The following COG2 variants were observed in gnomAD, a reference collection of about 807,000 sequenced individuals.
The protein encoded by COG2 is component of oligomeric golgi complex 2.
Under a neutral mutation model 90.6 loss-of-function variants are expected in COG2, and 52 were observed. The observed-to-expected ratio is 0.57, with a 90% CI of 0.46 to 0.72. The LOEUF is 0.72. Ranked by LOEUF, COG2 falls within the 30% of genes least tolerant of loss-of-function variation. The pLI is 0.00. For synonymous variants in COG2, 337 were observed against 320.4 expected (o/e 1.05, Z -0.55); for missense variants, 829 against 891.2 (o/e 0.93, Z 0.89).
chr1:230,691,541 G>A lies in COG2; in HGVS notation c.2092G>A (p.Asp698Asn), dbSNP rs572189230. 6.2e-7 allele frequency: 1 copy of A among 1,613,960 alleles called. No individual in the cohort carries two copies. Among genetic ancestry groups the A allele is most frequent in the African/African-American group, 1.3e-5 (1 of 75,038 alleles). ...CAAAATCAGGCTGCAGTTGGCCCTA[G>A]ATGTTGAGTACTTGGGAGAGCAGGT... is the stretch of plus-strand genomic sequence containing the variant. The part of the protein sequence containing the change: ...DDKIRLQLAL[D>N]VEYLGEQIQK... The change falls in exon 17 of 18, where the codon GAT becomes AAT. Residue 698 changes from aspartate to asparagine, a missense_variant. Coordinates refer to ENST00000366669, the MANE Select transcript of COG2 (RefSeq NM_007357.3).
intron 7 of COG2, chr1:230,670,492 CTTG>C (rs923635926): frequency 6.6e-6 from 1 of 152,062 alleles, no homozygotes; most frequent in Non-Finnish European, 1.5e-5. Context: ...TTATTTTGGC[CTTG>C]TTAAGATTAC....
chr1:230,672,932 A>C (rs995245036), intron 8 of COG2, among the ~76,000 whole-genome samples: 1 of 152,152 alleles, frequency 6.6e-6, no homozygotes, highest in East Asian at 1.9e-4. Context: ...CAAGCAATGT[A>C]TTTGGCCTTG....
chr1:230,645,532 G>A (rs1268645226), intron 1 of COG2, among the ~76,000 whole-genome samples: 1 of 152,160 alleles, frequency 6.6e-6, no homozygotes, highest in Non-Finnish European at 1.5e-5. Context: ...AACCTGTTGT[G>A]TAGGGCAATG....
rs1445988911 is a variant in COG2, at chr1:230,660,776, C to T, written c.253C>T (p.Leu85Phe). 6.3e-7 allele frequency: 1 copy of T among 1,587,274 alleles called. No homozygotes were observed. The highest frequency in any genetic ancestry group is 8.6e-7 in the Non-Finnish European group (1 of 1,168,730). ...CCTTTAGGTTGGCATGGACAAAGCCCTCAACCAGCTTTCTGTGCCTTTGGG... is the reference window on the plus strand; with the variant it reads ...CCTTTAGGTTGGCATGGACAAAGCCTTCAACCAGCTTTCTGTGCCTTTGGG... ...STNLVGMDKALNQLSVPLGQL... is the reference protein window; with the variant it reads ...STNLVGMDKAFNQLSVPLGQL... The change falls in exon 3 of 18, where the codon CTC (leucine) becomes TTC (phenylalanine). Residue 85 changes from leucine to phenylalanine, a missense_variant. Physicochemically the swap from Leu to Phe is conservative, Grantham distance 22. Coordinates refer to ENST00000366669, the MANE Select transcript of COG2 (RefSeq NM_007357.3).
intron 5 of COG2, among the ~76,000 whole-genome samples, chr1:230,666,663 C>G (rs551291880): frequency 6.6e-6 from 1 of 152,146 alleles, no homozygotes; most frequent in African/African-American, 2.4e-5. Flanking sequence ...TGCTGACTTA[C>G]GCTTCCTTAA....
chr1:230,691,427 A>G lies in COG2; in HGVS notation c.1978A>G (p.Met660Val), dbSNP rs777835205. Residue 660 changes from methionine to valine, a missense_variant, in exon 17 of 18, where the codon ATG becomes GTG. Coordinates refer to ENST00000366669, the MANE Select transcript of COG2 (RefSeq NM_007357.3). ...VSDVLNSVKK[M>V]EESLKRLKQA... ...AGATGTATTAAACTCTGTGAAGAAG[A>G]TGGAAGAGAGCCTGAAAAGGCTGAA... The G allele has an allele frequency of 6.2e-7, 1 of 1,614,116 alleles. No individual in the cohort carries two copies. The highest frequency in any genetic ancestry group is 8.5e-7 in the Non-Finnish European group (1 of 1,180,020).
intron 1 of COG2, among the ~76,000 whole-genome samples, chr1:230,653,096 AATTT>A (rs1357403788): frequency 1.3e-5 from 2 of 152,130 alleles, no homozygotes; most frequent in Non-Finnish European, 2.9e-5. Context: ...AGAACTCCAG[AATTT>A]ATTTGTCTTA....
intron 5 of COG2, among the ~76,000 whole-genome samples, chr1:230,666,370 T>C (rs1662323610): frequency 6.6e-6 from 1 of 152,152 alleles, no homozygotes; most frequent in Non-Finnish European, 1.5e-5. Context: ...CTCTAGTGTC[T>C]CTGAGATTGA....
At chr1:230,675,156 A>C (rs748026047) in intron 9 of COG2, 32 bp downstream of exon 9, 12 of 1,597,958 alleles carry the variant, frequency 7.5e-6, no homozygotes, top group Admixed American at 3.4e-5. Context: ...TGATTCTTGA[A>C]GATGTTAACC....
chr1:230,642,999 C>T (rs1661666736), intron 1 of COG2: 5 of 305,700 alleles, frequency 1.6e-5, no homozygotes, highest in Admixed American at 1.6e-4. Flanking sequence ...GTCCCCTTGT[C>T]GGAAAGAAGC....
intron 8 of COG2, among the ~76,000 whole-genome samples, chr1:230,673,100 G>GGGGA (rs1662493866): frequency 6.6e-6 from 1 of 152,148 alleles, no homozygotes; most frequent in Non-Finnish European, 1.5e-5. Context: ...TAAGAACATA[G>GGGGA]TAGAAATCAT....
intron 16 of COG2, 135 bp downstream of exon 16, chr1:230,690,288 G>A (rs1662993970): frequency 1.3e-6 from 1 of 750,870 alleles, no homozygotes; most frequent in Non-Finnish European, 2.1e-6. Flanking sequence ...TAGTCAGAGT[G>A]TGTGTCCCAC....
chr1:230,689,515 A>G (rs1294080246), intron 15 of COG2, among the ~76,000 whole-genome samples: 1 of 152,264 alleles, frequency 6.6e-6, no homozygotes, highest in Non-Finnish European at 1.5e-5. Context: ...TGAAGAAACC[A>G]GAGCTAAGAA....
chr1:230,646,472 T>C (rs903371244), intron 1 of COG2, among the ~76,000 whole-genome samples: 1 of 152,182 alleles, frequency 6.6e-6, no homozygotes, highest in Admixed American at 6.5e-5. Context: ...TGGTGGGTTA[T>C]GGACTCAGCC....
At chr1:230,674,828 G>A (rs1440548349) in intron 8 of COG2, among the ~76,000 whole-genome samples, 170 bp from the exon 9 acceptor site, 1 of 152,168 alleles carries the variant, frequency 6.6e-6, no homozygotes. Flanking sequence ...AAATTAAGGA[G>A]TGAAATAGAA....
chr1:230,692,374 A>G (rs1424881443), intron 17 of COG2, among the ~76,000 whole-genome samples: 2 of 152,084 alleles, frequency 1.3e-5, no homozygotes, highest in Non-Finnish European at 2.9e-5. Flanking sequence ...AGCAGTCAAA[A>G]CAAGACACTT....
chr1:230,690,160 A>G lies in COG2; in HGVS notation c.1934+7A>G, dbSNP rs921328748. On this transcript the variant is annotated splice_region_variant and intron_variant, in intron 16 of 17. Coordinates refer to ENST00000366669, the MANE Select transcript of COG2 (RefSeq NM_007357.3). ...TCAGTGAAAGCACTCATAAGTAAGT[A>G]AATTAAAAGCAGACCTTGTGGGCCT... is the stretch of plus-strand genomic sequence containing the variant. 7.5e-6 allele frequency: 12 copies of G among 1,610,636 alleles called. No homozygotes were observed. The highest frequency in any genetic ancestry group is 1.1e-5 in the South Asian group (1 of 90,438).
intron 1 of COG2, among the ~76,000 whole-genome samples, chr1:230,649,775 T>C (rs1661869486): frequency 6.6e-6 from 1 of 152,128 alleles, no homozygotes; most frequent in African/African-American, 2.4e-5. Context: ...TATTATGTGG[T>C]TATAGTGTGT....
At chr1:230,648,544 TAC>T (rs1337863546) in intron 1 of COG2, among the ~76,000 whole-genome samples, 1 of 152,266 alleles carries the variant, frequency 6.6e-6, no homozygotes, top group Non-Finnish European at 1.5e-5. Context: ...CCATTGGACA[TAC>T]ACAGTTTATT....
Sources: gnomAD v4.1 joint callset for allele counts (sites outside exome capture counted in the v4.1 genomes callset) on GRCh38, gnomAD v4.1.1 for gene constraint, MANE v1.5 for transcripts, NCBI Gene and HGNC (gene_info 2026-07-23, HGNC 2026-07-21) for gene names.